CCDC6: variants seen among roughly 807,000 people sequenced by gnomAD.
CCDC6 encodes coiled-coil domain-containing protein 6.
A neutral mutation model predicts 56.6 loss-of-function variants in CCDC6; 20 were observed. That is an observed-to-expected ratio of 0.35 (90% confidence interval 0.25 to 0.51). CCDC6 has a LOEUF of 0.51. CCDC6 is among the 20% of genes least tolerant of loss of function. The pLI is 0.95. For synonymous variants in CCDC6, 241 were observed against 234.4 expected (o/e 1.03, Z -0.26); for missense variants, 367 against 601.1 (o/e 0.61, Z 4.07).
intron 7 of CCDC6, among the ~76,000 whole-genome samples, chr10:59,796,260 C>A (rs997331736): frequency 8.1e-5 from 12 of 148,658 alleles, no homozygotes; most frequent in African/African-American, 2.5e-4. Flanking sequence ...TGTTTTTTGG[C>A]TGCATAAATG....
At chr10:59,806,023 GC>G (rs1303374267) in intron 6 of CCDC6, among the ~76,000 whole-genome samples, 1 of 152,156 alleles carries the variant, frequency 6.6e-6, no homozygotes, top group Non-Finnish European at 1.5e-5. Context: ...GACACTGAAT[GC>G]CCAGTCCTGC....
chr10:59,884,834 C>T (rs771097373), intron 1 of CCDC6, among the ~76,000 whole-genome samples: 7 of 152,094 alleles, frequency 4.6e-5, no homozygotes, highest in African/African-American at 1.2e-4. Flanking sequence ...GAGGCCGAGG[C>T]GGGCAGATCA....
At position 59,793,028 on chromosome 10, in the gene CCDC6, G is replaced by C. The variant is rs369291329; in HGVS notation, c.1314C>G (p.Val438=). Residue 438 remains valine, a synonymous_variant, in exon 9 of 9, where the codon GTC becomes GTG. Coordinates refer to ENST00000263102, the MANE Select transcript of CCDC6 (RefSeq NM_005436.5). Reference sequence around the variant, plus strand: ...GCGGAGGTGGAGGCGGAGGTGGCTGGACTGGGGTCTGTGTGTTGGGAGATG... The same window carrying C: ...GCGGAGGTGGAGGCGGAGGTGGCTGCACTGGGGTCTGTGTGTTGGGAGATG... ...PPPSPNTQTP[V]QPPPPPPPPP... 5 of 1,612,712 alleles carry C rather than the reference G, an allele frequency of 3.1e-6. No homozygotes were observed. The highest frequency in any genetic ancestry group is 4.2e-6 in the Non-Finnish European group (5 of 1,178,774).
chr10:59,796,450 G>A (rs2070520090), intron 7 of CCDC6, among the ~76,000 whole-genome samples: 2 of 152,152 alleles, frequency 1.3e-5, no homozygotes, highest in African/African-American at 4.8e-5. Flanking sequence ...AAGGTAACAA[G>A]TGGTGGTGAG....
chr10:59,840,322 G>A (rs76423625), intron 2 of CCDC6, among the ~76,000 whole-genome samples: 1 of 152,130 alleles, frequency 6.6e-6, no homozygotes, highest in African/African-American at 2.4e-5. Flanking sequence ...CAGTACATAA[G>A]AATTTATTAG....
Position 59,876,557 on chromosome 10 carries a change from G to T in CCDC6, c.304-23855C>A, listed in dbSNP as rs557244172. Among the ~76,000 whole-genome samples the T allele has an allele frequency of 2.1e-5, 3 of 143,640 alleles. No homozygotes were observed. In the South Asian group the frequency reaches 6.7e-4, roughly 32 times the overall value. The allele number at this position is 143,640 out of a possible 152,430, so 94.2% of individuals were successfully genotyped here. The stretch of plus-strand genomic sequence containing the variant: ...CCAAACTTTTAAGATAAAGATAGCT[G>T]CCGTGTTATATAAACTACACCTGTT... On this transcript the variant is annotated intron_variant, in intron 1 of 8. Coordinates refer to ENST00000263102, the MANE Select transcript of CCDC6 (RefSeq NM_005436.5).
intron 1 of CCDC6, among the ~76,000 whole-genome samples, chr10:59,883,173 G>T (rs1251992684): frequency 1.3e-5 from 2 of 152,150 alleles, no homozygotes; most frequent in African/African-American, 4.8e-5. Context: ...TCCATCAATG[G>T]ACTCTGAGTC....
intron 2 of CCDC6, among the ~76,000 whole-genome samples, chr10:59,836,173 C>A (rs748694716): frequency 6.6e-6 from 1 of 151,616 alleles, no homozygotes. Context: ...TGCATAGGGA[C>A]CTTGAAGGAC....
intron 1 of CCDC6, among the ~76,000 whole-genome samples, chr10:59,859,343 A>G (rs1373783765): frequency 1.3e-5 from 2 of 152,096 alleles, no homozygotes; most frequent in East Asian, 1.9e-4. Context: ...GATCCCATAT[A>G]TATGCACTAA....
rs2070470962 is a variant in CCDC6, at chr10:59,791,893, G to T, written c.*1024C>A. 4.5e-6 allele frequency: 1 copy of T among 219,880 alleles called. No individual in the cohort carries two copies. Among genetic ancestry groups the T allele is most frequent in the African/African-American group, 2.2e-5 (1 of 44,576 alleles). 13.6% of individuals were successfully genotyped at this position (219,880 alleles called of 1,614,324 possible). On this transcript the variant is annotated 3_prime_UTR_variant, in exon 9 of 9. Transcript: ENST00000263102. ...AATGCTAATGTGCTACTTTCCTTTA[G>T]ACCTTATTTTCTTTTCTGCCAAGCA...
intron 2 of CCDC6, among the ~76,000 whole-genome samples, chr10:59,851,515 CAG>C (rs899034562): frequency 1.3e-5 from 2 of 152,066 alleles, no homozygotes; most frequent in Non-Finnish European, 2.9e-5. Flanking sequence ...AATAGAAAGA[CAG>C]GGGTAAAAGC....
intron 7 of CCDC6, among the ~76,000 whole-genome samples, chr10:59,798,663 T>G (rs1056495714): frequency 2.6e-5 from 4 of 152,202 alleles, no homozygotes; most frequent in Non-Finnish European, 5.9e-5. Context: ...TAATTTTATT[T>G]CTTATGAAAG....
intron 1 of CCDC6, among the ~76,000 whole-genome samples, chr10:59,882,094 G>GC (rs2071344030): frequency 3.3e-4 from 5 of 15,228 alleles, no homozygotes; most frequent in African/African-American, 1.2e-3. Flanking sequence ...AAGGAAAGCC[G>GC]GGGGGAGAAG....
intron 1 of CCDC6, among the ~76,000 whole-genome samples, chr10:59,892,737 G>A (rs2071431954): frequency 6.6e-6 from 1 of 152,084 alleles, no homozygotes. Flanking sequence ...TGTGGGATGG[G>A]AGCAAGATTT....
chr10:59,796,247 ATG>A (rs1241330014), intron 7 of CCDC6, among the ~76,000 whole-genome samples: 2 of 150,066 alleles, frequency 1.3e-5, no homozygotes, highest in Non-Finnish European at 3.0e-5. Flanking sequence ...GCATTTTTTC[ATG>A]TGTTTTTTGG....
chr10:59,874,761 T>G (rs2071263935), intron 1 of CCDC6, among the ~76,000 whole-genome samples: 1 of 152,104 alleles, frequency 6.6e-6, no homozygotes, highest in Non-Finnish European at 1.5e-5. Context: ...TGCCTAATGA[T>G]GACTTGACTT....
intron 1 of CCDC6, among the ~76,000 whole-genome samples, chr10:59,905,749 GATTCT>G: frequency 6.6e-6 from 1 of 152,226 alleles, no homozygotes; most frequent in South Asian, 2.1e-4. Flanking sequence ...GGGTTCCCCA[GATTCT>G]GGACGCACCC....
chr10:59,894,736 G>A (rs1008836555), intron 1 of CCDC6, among the ~76,000 whole-genome samples: 5 of 152,146 alleles, frequency 3.3e-5, no homozygotes, highest in African/African-American at 1.2e-4. Context: ...ATATCCTGGG[G>A]TAGCTGAACA....
At chr10:59,873,638 T>A (rs2071251418) in intron 1 of CCDC6, among the ~76,000 whole-genome samples, 1 of 152,190 alleles carries the variant, frequency 6.6e-6, no homozygotes, top group South Asian at 2.1e-4. Context: ...CAAAAAAACC[T>A]AAATTCTAAA....
Sources: gnomAD v4.1 joint callset for allele counts (sites outside exome capture counted in the v4.1 genomes callset) on GRCh38, gnomAD v4.1.1 for gene constraint, MANE v1.5 for transcripts, NCBI Gene and HGNC (gene_info 2026-07-23, HGNC 2026-07-21) for gene names.